LRMDA: variants seen among roughly 807,000 people sequenced by gnomAD.
LRMDA encodes leucine-rich melanocyte differentiation-associated protein.
A neutral mutation model predicts 29.8 loss-of-function variants in LRMDA; 18 were observed. That is an observed-to-expected ratio of 0.60 (90% CI 0.42 to 0.90). The LOEUF (loss-of-function observed/expected upper bound fraction) is 0.90. Ranked by LOEUF, LRMDA falls within the 40% of genes least tolerant of loss-of-function variation. The probability of loss-of-function intolerance (pLI) is 0.00; values close to 1 mark genes in which losing one functional copy is unlikely to be tolerated. For missense variants in LRMDA, 273 were observed against 273.9 expected (o/e 1.00, Z 0.02); for synonymous variants, 125 against 109.4 (o/e 1.14, Z -0.89).
intron 5 of LRMDA, among the ~76,000 whole-genome samples, chr10:76,235,443 C>A (rs1852134403): frequency 6.6e-6 from 1 of 152,050 alleles, no homozygotes; most frequent in Admixed American, 6.6e-5. Flanking sequence ...TGTTGGTAGA[C>A]TTACTAGATG....
intron 6 of LRMDA, among the ~76,000 whole-genome samples, chr10:76,423,462 T>C (rs1842090566): frequency 6.6e-6 from 1 of 152,188 alleles, no homozygotes; most frequent in Non-Finnish European, 1.5e-5. Context: ...TAAATTCATT[T>C]AACTTACCAT....
At chr10:75,452,180 C>T (rs182650135) in intron 2 of LRMDA, among the ~76,000 whole-genome samples, 10 of 152,296 alleles carry the variant, frequency 6.6e-5, no homozygotes, top group African/African-American at 1.9e-4. Flanking sequence ...TCCTCCTTCA[C>T]TACACTTCAG....
chr10:75,812,815 A>G (rs956785284), intron 2 of LRMDA, among the ~76,000 whole-genome samples: 2 of 152,204 alleles, frequency 1.3e-5, no homozygotes, highest in African/African-American at 4.8e-5. Context: ...CTTGGGGGCC[A>G]TATGTTCTGT....
chr10:75,998,497 C>T (rs891857518), intron 2 of LRMDA, among the ~76,000 whole-genome samples: 9 of 152,300 alleles, frequency 5.9e-5, no homozygotes, highest in African/African-American at 2.2e-4. Flanking sequence ...GAAGAAAACC[C>T]AAATAACTGC....
intron 6 of LRMDA, among the ~76,000 whole-genome samples, chr10:76,332,745 A>G (rs1840920028): frequency 6.6e-6 from 1 of 152,224 alleles, no homozygotes; most frequent in South Asian, 2.1e-4. Flanking sequence ...TATGGTCAGT[A>G]AGACAAAGAT....
intron 2 of LRMDA, among the ~76,000 whole-genome samples, chr10:75,738,402 C>T (rs1359963733): frequency 6.6e-6 from 1 of 152,152 alleles, no homozygotes; most frequent in Non-Finnish European, 1.5e-5. Flanking sequence ...ATTGGACTCT[C>T]CTTGTCCCAT....
chr10:76,013,295 A>ATTTT (rs59047696), intron 2 of LRMDA, among the ~76,000 whole-genome samples: 1 of 138,072 alleles, frequency 7.2e-6, no homozygotes, highest in Middle Eastern at 3.5e-3. Context: ...AGATGATTTA[A>ATTTT]TTTTTTTTTT....
chr10:75,980,523 G>A (rs1181152665), intron 2 of LRMDA, among the ~76,000 whole-genome samples: 5 of 152,150 alleles, frequency 3.3e-5, no homozygotes, highest in Middle Eastern at 3.2e-3. Context: ...TTGGCAGGGG[G>A]GCTATAATGT....
chr10:75,863,890 C>G (rs1190856003), intron 2 of LRMDA, among the ~76,000 whole-genome samples: 1 of 152,098 alleles, frequency 6.6e-6, no homozygotes, highest in Non-Finnish European at 1.5e-5. Flanking sequence ...TGATTTTTCC[C>G]ATATATTATT....
chr10:75,906,012 G>A (rs575709454), intron 2 of LRMDA, among the ~76,000 whole-genome samples: 32 of 151,220 alleles, frequency 2.1e-4, no homozygotes, highest in Admixed American at 2.1e-3. Context: ...AAGGTAGCAT[G>A]GTGAGGTCAG....
intron 2 of LRMDA, among the ~76,000 whole-genome samples, chr10:75,628,499 G>A (rs1841280344): frequency 6.6e-6 from 1 of 152,168 alleles, no homozygotes. Context: ...GAACCTGATT[G>A]CACTGAGGAT....
chr10:75,845,208 A>G (rs1177275936), intron 2 of LRMDA, among the ~76,000 whole-genome samples: 1 of 101,130 alleles, frequency 9.9e-6, no homozygotes, highest in African/African-American at 2.7e-5. Context: ...TATGAGCCAC[A>G]GGTTTTTTTT....
At chr10:75,683,697 G>A (rs1842050920) in intron 2 of LRMDA, among the ~76,000 whole-genome samples, 3 of 152,194 alleles carry the variant, frequency 2.0e-5, no homozygotes, top group Non-Finnish European at 4.4e-5. Context: ...TGTCTTTCTG[G>A]AGTTTATTAT....
chr10:76,010,247 C>A (rs773516443), intron 2 of LRMDA, among the ~76,000 whole-genome samples: 3 of 151,910 alleles, frequency 2.0e-5, no homozygotes, highest in African/African-American at 7.3e-5. Context: ...TCCACTGTAC[C>A]CTGAGGTATT....
At chr10:76,300,272 T>G (rs1840464220) in intron 5 of LRMDA, among the ~76,000 whole-genome samples, 1 of 152,214 alleles carries the variant, frequency 6.6e-6, no homozygotes, top group Non-Finnish European at 1.5e-5. Context: ...TAGAACTTTG[T>G]TTTATTTGAA....
At chr10:76,365,085 C>CATATATATATATATATAT (rs554375602) in intron 6 of LRMDA, among the ~76,000 whole-genome samples, 3 of 69,756 alleles carry the variant, frequency 4.3e-5, no homozygotes, top group South Asian at 4.0e-4. Context: ...CACACACACA[C>CATATATATATATATATAT]ATATATATAT....
At chr10:76,042,751 A>G (rs1045050031) in intron 3 of LRMDA, among the ~76,000 whole-genome samples, 6 of 152,164 alleles carry the variant, frequency 3.9e-5, no homozygotes, top group Admixed American at 2.0e-4. Context: ...TCTAGAGAGA[A>G]TAGATAATTC....
At chr10:75,740,769 A>T (rs1407816774) in intron 2 of LRMDA, among the ~76,000 whole-genome samples, 1 of 152,150 alleles carries the variant, frequency 6.6e-6, no homozygotes, top group East Asian at 1.9e-4. Context: ...GAGACAGAGG[A>T]CCTGATTTGT....
At chr10:76,335,584 A>G (rs575767919) in intron 6 of LRMDA, among the ~76,000 whole-genome samples, 15 of 152,322 alleles carry the variant, frequency 9.8e-5, no homozygotes, top group African/African-American at 3.6e-4. Context: ...GGTTTTATAC[A>G]TTTTAGGAAG....
Sources: allele counts gnomAD v4.1 joint callset (sites outside exome capture counted in the v4.1 genomes callset), GRCh38; gene constraint gnomAD v4.1.1; transcripts MANE v1.5; gene names NCBI Gene and HGNC (gene_info 2026-07-23, HGNC 2026-07-21).